GJB7: variants seen among roughly 807,000 people sequenced by gnomAD.
GJB7 encodes gap junction protein beta 7, also known as gap junction beta-7 protein.
For synonymous variants in GJB7, 87 were observed against 95.2 expected, an observed-to-expected ratio of 0.91 and a Z score of 0.50; for missense variants, 253 against 256.8, an observed-to-expected ratio of 0.99 and a Z score of 0.10.
chr6:87,306,038 A>G (rs1776421695), intron 2 of GJB7, among the ~76,000 whole-genome samples: 1 of 151,984 alleles, frequency 6.6e-6, no homozygotes, highest in Non-Finnish European at 1.5e-5. Flanking sequence ...AAGATGGATT[A>G]AAGACTTAAA....
chr6:87,326,783 C>G (rs1269254643), intron 1 of GJB7, among the ~76,000 whole-genome samples: 7 of 118,310 alleles, frequency 5.9e-5, no homozygotes, highest in African/African-American at 2.4e-4. Flanking sequence ...TCTATTAGGT[C>G]TGCTTGGTGC....
At chr6:87,285,770 G>T (rs1776050231) in intron 2 of GJB7, among the ~76,000 whole-genome samples, 1 of 152,112 alleles carries the variant, frequency 6.6e-6, no homozygotes, top group Admixed American at 6.5e-5. Context: ...AGCTTATCTT[G>T]TTGACAGTCT....
intron 2 of GJB7, among the ~76,000 whole-genome samples, chr6:87,285,196 C>A (rs527713121): frequency 5.3e-4 from 81 of 152,286 alleles, no homozygotes; most frequent in African/African-American, 1.9e-3. Flanking sequence ...CCCACTACCC[C>A]ATTTTCAAAC....
chr6:87,284,499 G>A lies in GJB7; in HGVS notation c.414C>T (p.Phe138=). 6.2e-7 allele frequency: 1 copy of A among 1,613,910 alleles called. No homozygotes were observed. The highest frequency in any genetic ancestry group is 1.1e-5 in the South Asian group (1 of 91,076). The change falls in exon 3 of 3, where the codon TTC becomes TTT. Residue 138 remains phenylalanine, a synonymous_variant. Transcript: ENST00000525899. ...LIVKTGFEIG[F]LVLFYKLYDG... is the part of the protein sequence containing the mutation. Reference sequence around the variant, plus strand: ...CATATAGCTTATAAAATAAAACAAGGAAGCCAATTTCAAAACCAGTTTTAA... The same window carrying A: ...CATATAGCTTATAAAATAAAACAAGAAAGCCAATTTCAAAACCAGTTTTAA...
chr6:87,320,737 C>T (rs1053479442), intron 2 of GJB7, among the ~76,000 whole-genome samples: 2 of 152,202 alleles, frequency 1.3e-5, no homozygotes, highest in Non-Finnish European at 2.9e-5. Context: ...AGATTTTTCA[C>T]ATTTTCAATT....
intron 2 of GJB7, among the ~76,000 whole-genome samples, chr6:87,311,857 T>C (rs1390745504): frequency 6.6e-6 from 1 of 152,198 alleles, no homozygotes; most frequent in Non-Finnish European, 1.5e-5. Flanking sequence ...CTCAGTCCCA[T>C]AGTTAAGTTC....
rs917405182 is a variant in GJB7, at chr6:87,323,270, GTTTA to G, written c.-205-231_-205-228del. Among the ~76,000 whole-genome samples the G allele has an allele frequency of 4.1e-4, 29 of 70,486 alleles. No individual in the cohort carries two copies. In the South Asian group the frequency reaches 6.2e-3, roughly 15 times the overall value. 46.2% of individuals were successfully genotyped at this position (70,486 alleles called of 152,430 possible). A position where few individuals can be genotyped will look rare whatever the true frequency, so the allele number is the denominator to read the frequency against. On this transcript the variant is annotated intron_variant, in intron 1 of 2. Coordinates refer to ENST00000525899, the MANE Select transcript of GJB7 (RefSeq NM_198568.3). ...TGGAAAGATACTTTTGTTTTGTTTT[GTTTA>G]TTTATTTATTTGTTATTATTATAAG...
At chr6:87,289,944 AG>A (rs1217225093) in intron 2 of GJB7, among the ~76,000 whole-genome samples, 1 of 152,192 alleles carries the variant, frequency 6.6e-6, no homozygotes, top group Non-Finnish European at 1.5e-5. Context: ...CTTGTGTTCG[AG>A]GAGCACTGGA....
intron 1 of GJB7, among the ~76,000 whole-genome samples, chr6:87,328,831 G>A (rs1418387467): frequency 1.6e-4 from 24 of 152,340 alleles, no homozygotes; most frequent in African/African-American, 5.8e-4. Flanking sequence ...CTGGGCAATG[G>A]CGGGCGCCCC....
At chr6:87,309,763 G>C (rs938672000) in intron 2 of GJB7, among the ~76,000 whole-genome samples, 2 of 152,112 alleles carry the variant, frequency 1.3e-5, no homozygotes, top group Non-Finnish European at 2.9e-5. Flanking sequence ...CCACCCTCTA[G>C]AAAGTATCCT....
At chr6:87,290,347 A>G (rs1776146017) in intron 2 of GJB7, among the ~76,000 whole-genome samples, 2 of 152,114 alleles carry the variant, frequency 1.3e-5, no homozygotes, top group South Asian at 4.2e-4. Context: ...CCTGAAGAAA[A>G]GCATTTCCTC....
chr6:87,290,755 G>T lies in GJB7; in HGVS notation c.-27-5816C>A, dbSNP rs185639966. ...ATAACACTTTTTGAGACTCAGCCAC[G>T]CCTAAATGTTTACTGTTGTCGATGG... On this transcript the variant is annotated intron_variant, in intron 2 of 2. Coordinates refer to ENST00000525899, the MANE Select transcript of GJB7 (RefSeq NM_198568.3). Among the ~76,000 whole-genome samples the T allele has an allele frequency of 2.0e-5, 3 of 152,162 alleles. No individual in the cohort carries two copies. In the South Asian group the frequency reaches 6.2e-4, roughly 31 times the overall value.
intron 1 of GJB7, among the ~76,000 whole-genome samples, chr6:87,327,734 T>C (rs1231868033): frequency 3.4e-5 from 5 of 146,380 alleles, no homozygotes; most frequent in Admixed American, 6.8e-5. Context: ...TTATGTGTCT[T>C]GGAGTTGCTC....
intron 2 of GJB7, among the ~76,000 whole-genome samples, chr6:87,290,755 G>A (rs185639966): frequency 5.5e-4 from 83 of 152,280 alleles, no homozygotes; most frequent in Non-Finnish European, 9.4e-4. Flanking sequence ...ACTCAGCCAC[G>A]CCTAAATGTT....
At chr6:87,301,553 C>G (rs913164636) in intron 2 of GJB7, among the ~76,000 whole-genome samples, 1 of 152,190 alleles carries the variant, frequency 6.6e-6, no homozygotes, top group Non-Finnish European at 1.5e-5. Flanking sequence ...GGGTGGAGCC[C>G]ACTGCAGCTC....
At chr6:87,315,389 A>G in intron 2 of GJB7, among the ~76,000 whole-genome samples, 1 of 152,226 alleles carries the variant, frequency 6.6e-6, no homozygotes, top group East Asian at 1.9e-4. Context: ...GAGATTTGAT[A>G]TATGGGTGAT....
At chr6:87,318,088 T>C (rs910889790) in intron 2 of GJB7, among the ~76,000 whole-genome samples, 1 of 151,398 alleles carries the variant, frequency 6.6e-6, no homozygotes, top group African/African-American at 2.4e-5. Context: ...TAATGAATTG[T>C]GATCCTCTAA....
intron 2 of GJB7, among the ~76,000 whole-genome samples, chr6:87,302,649 C>A (rs1776351662): frequency 6.6e-6 from 1 of 152,102 alleles, no homozygotes; most frequent in Non-Finnish European, 1.5e-5. Context: ...CAAGGCAGGC[C>A]AACATTCAAA....
In GJB7 at chr6:87,324,299, T is replaced by G. The variant is rs141830673; in HGVS notation, c.-205-1256A>C. Among the ~76,000 whole-genome samples, 666 of 152,370 alleles carry G rather than the reference T, an allele frequency of 4.4e-3. 4 individuals are homozygous for G. The highest frequency in any genetic ancestry group is 0.015 in the African/African-American group (643 of 41,578). On this transcript the variant is annotated intron_variant, in intron 1 of 2. Coordinates refer to ENST00000525899, the MANE Select transcript of GJB7 (RefSeq NM_198568.3). Reference sequence around the variant, plus strand: ...TTAGATCCTATTTGTCAATTTTGGCTTTGGTTGCTATTGCTTTTGGTGTTT... The same window carrying G: ...TTAGATCCTATTTGTCAATTTTGGCGTTGGTTGCTATTGCTTTTGGTGTTT...
Sources: gnomAD v4.1 joint callset for allele counts (sites outside exome capture counted in the v4.1 genomes callset) on GRCh38, gnomAD v4.1.1 for gene constraint, MANE v1.5 for transcripts, NCBI Gene and HGNC (gene_info 2026-07-23, HGNC 2026-07-21) for gene names.